Variants in DGKB observed in about 807,000 individuals in gnomAD.
DGKB encodes the protein diacylglycerol kinase beta, also known as 90 kDa diacylglycerol kinase.
Under a neutral mutation model 114.3 loss-of-function variants are expected in DGKB, and 67 were observed. The ratio of observed to expected loss-of-function variants is 0.59; its 90% CI spans 0.48 to 0.72. The LOEUF (loss-of-function observed/expected upper bound fraction) is 0.72, where lower values mean the gene tolerates loss of function less well. Among genes scored for constraint, DGKB ranks in the 30% least tolerant of loss-of-function variants. DGKB has a pLI of 0.00. For synonymous variants in DGKB, 398 were observed against 323.1 expected (o/e 1.23, Z -2.49); for missense variants, 907 against 975.2 (o/e 0.93, Z 0.93).
chr7:14,566,540 G>A (rs1366025939), intron 20 of DGKB, among the ~76,000 whole-genome samples: 1 of 152,086 alleles, frequency 6.6e-6, no homozygotes, highest in Admixed American at 6.6e-5. Context: ...ATCACCTTTA[G>A]TAGAAGAATT....
At chr7:14,950,922 T>G (rs1359737346) in intron 1 of DGKB, among the ~76,000 whole-genome samples, 1 of 151,912 alleles carries the variant, frequency 6.6e-6, no homozygotes, top group Non-Finnish European at 1.5e-5. Flanking sequence ...GTTCCATGTA[T>G]GTAAGCTTGG....
At chr7:14,659,289 G>A (rs190990694) in intron 13 of DGKB, among the ~76,000 whole-genome samples, 8 of 152,098 alleles carry the variant, frequency 5.3e-5, no homozygotes. Flanking sequence ...TAATAATATG[G>A]TTAAGTTCAA....
chr7:14,539,153 C>T, intron 20 of DGKB, among the ~76,000 whole-genome samples: 1 of 151,770 alleles, frequency 6.6e-6, no homozygotes, highest in East Asian at 1.9e-4. Flanking sequence ...GTTCTTACTC[C>T]AAAACAAAAA....
chr7:14,850,111 A>C (rs1339134697), intron 1 of DGKB, among the ~76,000 whole-genome samples: 4 of 152,366 alleles, frequency 2.6e-5, no homozygotes, highest in Non-Finnish European at 1.5e-5. Flanking sequence ...ACTTTTCAAA[A>C]GTTTCTGAGC....
intron 23 of DGKB, among the ~76,000 whole-genome samples, chr7:14,326,983 T>G (rs1405013486): frequency 1.3e-5 from 2 of 152,112 alleles, no homozygotes; most frequent in African/African-American, 4.8e-5. Flanking sequence ...TAGTAAATAC[T>G]CATGTGTACT....
At chr7:14,833,659 C>T (rs1263229320) in intron 2 of DGKB, among the ~76,000 whole-genome samples, 1 of 152,108 alleles carries the variant, frequency 6.6e-6, no homozygotes, top group Admixed American at 6.6e-5. Flanking sequence ...GCCTTACCTT[C>T]AGTGCTTAGA....
chr7:14,331,639 T>C (rs538597098), intron 23 of DGKB, among the ~76,000 whole-genome samples: 1 of 152,240 alleles, frequency 6.6e-6, no homozygotes, highest in Non-Finnish European at 1.5e-5. Context: ...AGATTAATCT[T>C]ACTTCTTCCA....
chr7:14,947,603 G>A (rs983741286), intron 1 of DGKB, among the ~76,000 whole-genome samples: 2 of 137,968 alleles, frequency 1.4e-5, no homozygotes, highest in Non-Finnish European at 3.1e-5. Flanking sequence ...ATAGATATAT[G>A]AAGAGCTTTA....
intron 21 of DGKB, among the ~76,000 whole-genome samples, chr7:14,351,795 C>T (rs895302391): frequency 6.6e-6 from 1 of 151,996 alleles, no homozygotes; most frequent in Non-Finnish European, 1.5e-5. Flanking sequence ...TTCAGATGAA[C>T]ACATTAGTGG....
At chr7:14,561,631 T>A (rs532684615) in intron 20 of DGKB, among the ~76,000 whole-genome samples, 17 of 152,338 alleles carry the variant, frequency 1.1e-4, no homozygotes, top group African/African-American at 4.1e-4. Flanking sequence ...ACTTGGGAAC[T>A]GGAGCAATGG....
intron 8 of DGKB, among the ~76,000 whole-genome samples, chr7:14,696,387 C>G (rs1370480236): frequency 6.6e-6 from 1 of 150,798 alleles, no homozygotes; most frequent in Non-Finnish European, 1.5e-5. Context: ...CCCAGCTACT[C>G]GGGAGGCTGA....
chr7:14,920,983 T>C (rs1784487073), intron 1 of DGKB, among the ~76,000 whole-genome samples: 1 of 152,144 alleles, frequency 6.6e-6, no homozygotes, highest in Non-Finnish European at 1.5e-5. Context: ...CAGGGACACA[T>C]GTGCAGATTT....
intron 20 of DGKB, among the ~76,000 whole-genome samples, chr7:14,492,396 G>C (rs1784718245): frequency 6.6e-6 from 1 of 151,914 alleles, no homozygotes; most frequent in Non-Finnish European, 1.5e-5. Context: ...ACCAATAAAA[G>C]AACATATATA....
chr7:14,961,643 C>A (rs1786848515), intron 1 of DGKB, among the ~76,000 whole-genome samples: 1 of 152,114 alleles, frequency 6.6e-6, no homozygotes. Flanking sequence ...GATAATTGAG[C>A]AAACTATGAC....
At chr7:14,406,433 C>T (rs545437081) in intron 21 of DGKB, among the ~76,000 whole-genome samples, 155 of 151,968 alleles carry the variant, frequency 1.0e-3, no homozygotes, top group Non-Finnish European at 1.7e-3. Context: ...AAAGAAAAAT[C>T]CTGCCTGACC....
chr7:14,682,911 G>T (rs1181371373), intron 10 of DGKB, 70 bp from the exon 11 acceptor site: 2 of 1,045,070 alleles, frequency 1.9e-6, no homozygotes, highest in South Asian at 1.4e-5. Flanking sequence ...GAGAAAGAAT[G>T]ACATTAACAG....
At chr7:14,648,253 G>A (rs1813562247) in intron 13 of DGKB, among the ~76,000 whole-genome samples, 1 of 152,214 alleles carries the variant, frequency 6.6e-6, no homozygotes, top group Non-Finnish European at 1.5e-5. Flanking sequence ...CTGTCTGACA[G>A]CTTTGAAGAG....
intron 23 of DGKB, among the ~76,000 whole-genome samples, chr7:14,255,023 A>G (rs1014701659): frequency 6.6e-6 from 1 of 152,226 alleles, no homozygotes; most frequent in African/African-American, 2.4e-5. Context: ...TCAATTCATT[A>G]TAGTAACGAT....
At chr7:14,819,185 G>A (rs1245658622) in intron 2 of DGKB, among the ~76,000 whole-genome samples, 1 of 152,040 alleles carries the variant, frequency 6.6e-6, no homozygotes, top group Non-Finnish European at 1.5e-5. Context: ...TACCTAGTGT[G>A]TATAACCCTG....
Sources: allele counts gnomAD v4.1 joint callset (sites outside exome capture counted in the v4.1 genomes callset), GRCh38; gene constraint gnomAD v4.1.1; transcripts MANE v1.5; gene names NCBI Gene and HGNC (gene_info 2026-07-23, HGNC 2026-07-21).